P2RX3: variants seen among roughly 807,000 people sequenced by gnomAD.
The protein encoded by P2RX3 is purinergic receptor P2X 3.
In P2RX3, 41 loss-of-function variants were observed where a neutral mutation model predicts 51.5. That is an observed-to-expected ratio of 0.80 (90% CI 0.62 to 1.03). The LOEUF is 1.03. P2RX3 is among the 50% of genes least tolerant of loss of function. The pLI is 0.00. For missense variants in P2RX3, 459 were observed against 522.1 expected, an observed-to-expected ratio of 0.88 and a Z score of 1.18; for synonymous variants, 185 against 191.6, an observed-to-expected ratio of 0.97 and a Z score of 0.29.
In P2RX3 at chr11:57,346,584, A is replaced by G. The variant is rs371705707; in HGVS notation, c.160A>G (p.Thr54Ala). 80 of 1,613,982 alleles carry G rather than the reference A, an allele frequency of 5.0e-5. No homozygotes were observed. Among genetic ancestry groups the G allele is most frequent in the Middle Eastern group, 4.9e-4 (3 of 6,084 alleles). ...LHEKAYQVRD[T>A]AIESSVVTKV... Reference sequence around the variant, plus strand: ...CGAGAAGGCTTACCAGGTACGGGACACAGCCATTGAGTCCTCGGTGGTAAC... The same window carrying G: ...CGAGAAGGCTTACCAGGTACGGGACGCAGCCATTGAGTCCTCGGTGGTAAC... The change falls in exon 2 of 12, where the codon ACA becomes GCA. Residue 54 changes from threonine to alanine, a missense_variant. Coordinates refer to ENST00000263314, the MANE Select transcript of P2RX3 (RefSeq NM_002559.5).
intron 7 of P2RX3, chr11:57,350,513 ACCT>A: frequency 2.4e-6 from 1 of 424,604 alleles, no homozygotes; most frequent in African/African-American, 2.0e-5. Flanking sequence ...CGATCTCCTG[ACCT>A]CGTGATCCGC....
chr11:57,368,189 AG>A, intron 9 of P2RX3, 87 bp downstream of exon 9: 1 of 1,429,174 alleles, frequency 7.0e-7, no homozygotes, highest in South Asian at 1.2e-5. Context: ...TCTGGGGGGC[AG>A]GGGTCTGCTG....
At chr11:57,368,174 G>A in intron 9 of P2RX3, 72 bp downstream of exon 9, 1 of 1,500,132 alleles carries the variant, frequency 6.7e-7, no homozygotes. Context: ...TTCTGAAAAA[G>A]CTCCTCTGGG....
intron 8 of P2RX3, among the ~76,000 whole-genome samples, chr11:57,366,303 C>T (rs1856795756): frequency 6.6e-6 from 1 of 152,186 alleles, no homozygotes; most frequent in Non-Finnish European, 1.5e-5. Flanking sequence ...ACAGGCAAAT[C>T]TCCTCCCCAC....
intron 8 of P2RX3, among the ~76,000 whole-genome samples, chr11:57,361,327 G>C (rs1324873068): frequency 4.6e-5 from 7 of 152,088 alleles, no homozygotes; most frequent in Non-Finnish European, 1.0e-4. Flanking sequence ...TACATGTGCA[G>C]GACGTGCAGG....
chr11:57,340,946 G>A (rs1047512243), intron 1 of P2RX3, among the ~76,000 whole-genome samples: 2 of 152,212 alleles, frequency 1.3e-5, no homozygotes, highest in African/African-American at 4.8e-5. Flanking sequence ...GGCTGGAGCC[G>A]AGGGAGCAGA....
At chr11:57,347,240 G>A (rs1158690191) in intron 3 of P2RX3, 53 bp downstream of exon 3, 1 of 1,587,302 alleles carries the variant, frequency 6.3e-7, no homozygotes, top group Non-Finnish European at 8.6e-7. Flanking sequence ...AAATGTTGGT[G>A]GGAGTGGGAG....
chr11:57,351,245 T>G (rs2134423826), intron 8 of P2RX3, among the ~76,000 whole-genome samples: 1 of 152,344 alleles, frequency 6.6e-6, no homozygotes, highest in East Asian at 1.9e-4. Context: ...GACTTCCAGA[T>G]AGGCCCATTC....
In P2RX3 at chr11:57,347,387, C is replaced by T. The variant is rs1042710118; in HGVS notation, c.328-28C>T. ...CTCACCAGGCCAGGACAGTGTCCTT[C>T]ACCAACCTGTGACCCGTCTGCCCAC... On this transcript the variant is annotated intron_variant, in intron 3 of 11. Coordinates refer to ENST00000263314, the MANE Select transcript of P2RX3 (RefSeq NM_002559.5). 8 of 1,554,670 alleles carry T rather than the reference C, an allele frequency of 5.1e-6. 1 individual carries two copies. In the Admixed American group the frequency reaches 9.7e-5, roughly 19 times the overall value.
chr11:57,338,713 GGT>G (rs762111840), intron 1 of P2RX3, 44 bp downstream of exon 1: 26 of 1,379,716 alleles, frequency 1.9e-5, no homozygotes. Flanking sequence ...TGGGCTGCCT[GGT>G]ATCCCGTCTT....
At chr11:57,355,983 T>G (rs377361496) in intron 8 of P2RX3, among the ~76,000 whole-genome samples, 1 of 152,046 alleles carries the variant, frequency 6.6e-6, no homozygotes, top group Non-Finnish European at 1.5e-5. Context: ...TGGGCAGCAA[T>G]AGCAAGACTC....
intron 4 of P2RX3, 126 bp downstream of exon 4, chr11:57,347,604 C>A: frequency 2.8e-6 from 3 of 1,090,054 alleles, no homozygotes; most frequent in Admixed American, 2.0e-5. Context: ...TTTACAGTTG[C>A]TCCCTGGGTG....
intron 1 of P2RX3, among the ~76,000 whole-genome samples, chr11:57,341,897 G>A (rs1290799638): frequency 1.3e-5 from 2 of 152,134 alleles, no homozygotes; most frequent in Admixed American, 6.5e-5. Context: ...CTTGCCATCT[G>A]TACAGCCCCA....
Position 57,371,834 on chromosome 11 carries a change from G to A in P2RX3, c.*1837G>A, listed in dbSNP as rs1856891624. On this transcript the variant is annotated 3_prime_UTR_variant, in exon 12 of 12. Coordinates refer to ENST00000263314, the MANE Select transcript of P2RX3 (RefSeq NM_002559.5). ...GGGAATTCAGCTCTTGGGAGGCTGG[G>A]GTCACAGGGATTCTCTCTAATGGGG... 6.6e-6 allele frequency among the ~76,000 whole-genome samples: 1 copy of A among 152,174 alleles called. No homozygotes were observed. Among genetic ancestry groups the A allele is most frequent in the African/African-American group, 2.4e-5 (1 of 41,436 alleles).
chr11:57,350,995 C>G (rs1485360046), intron 8 of P2RX3, 97 bp downstream of exon 8: 6 of 1,546,944 alleles, frequency 3.9e-6, no homozygotes, highest in Admixed American at 1.7e-5. Context: ...ATCCACCCAC[C>G]CCTGGCCCCA....
chr11:57,357,315 CA>C (rs1856646219), intron 8 of P2RX3, among the ~76,000 whole-genome samples: 1 of 151,556 alleles, frequency 6.6e-6, no homozygotes, highest in Non-Finnish European at 1.5e-5. Flanking sequence ...GTGAGACTGT[CA>C]AAAAAATAAA....
chr11:57,351,289 G>T (rs930821971), intron 8 of P2RX3, among the ~76,000 whole-genome samples: 25 of 152,148 alleles, frequency 1.6e-4, no homozygotes, highest in African/African-American at 6.0e-4. Flanking sequence ...AAGGTTTCTC[G>T]CTCTACAAAG....
chr11:57,349,809 C>A lies in P2RX3; in HGVS notation c.616C>A (p.His206Asn). 1 of 1,614,242 alleles carries A rather than the reference C, an allele frequency of 6.2e-7. No individual in the cohort carries two copies. The highest frequency in any genetic ancestry group is 8.5e-7 in the Non-Finnish European group (1 of 1,180,046). ...CAGGGACATGAAGACCTGCCGCTTC[C>A]ACCCGGACAAGGACCCTTTCTGCCC... ...TARDMKTCRF[H>N]PDKDPFCPIL... Residue 206 changes from histidine to asparagine, a missense_variant, in exon 7 of 12, where the codon CAC becomes AAC. His to Asn is a moderately conservative substitution (Grantham distance 68). Transcript: ENST00000263314.
intron 7 of P2RX3, 192 bp from the exon 8 acceptor site, chr11:57,350,570 C>A: frequency 1.4e-6 from 1 of 706,882 alleles, no homozygotes; most frequent in Non-Finnish European, 2.3e-6. Flanking sequence ...GCGTGAATCA[C>A]CGCACCCGGC....
Sources: allele counts gnomAD v4.1 joint callset (sites outside exome capture counted in the v4.1 genomes callset), GRCh38; gene constraint gnomAD v4.1.1; transcripts MANE v1.5; gene names NCBI Gene and HGNC (gene_info 2026-07-23, HGNC 2026-07-21).